The following ZNF429 variants were observed in gnomAD, a reference collection of about 807,000 sequenced individuals.
ZNF429 encodes the protein zinc finger protein 429.
Under a neutral mutation model 56.8 loss-of-function variants are expected in ZNF429, and 53 were observed. The ratio of observed to expected loss-of-function variants is 0.93; its 90% CI spans 0.75 to 1.17. The LOEUF (loss-of-function observed/expected upper bound fraction) is 1.17, where lower values mean the gene tolerates loss of function less well. Ranked by LOEUF, ZNF429 falls within the 50% of genes most tolerant of loss-of-function variation. The probability of loss-of-function intolerance (pLI) is 0.00; values close to 1 mark genes in which losing one functional copy is unlikely to be tolerated. For missense variants in ZNF429, 849 were observed against 788.4 expected, an observed-to-expected ratio of 1.08 and a Z score of -0.92; for synonymous variants, 278 against 264.7, an observed-to-expected ratio of 1.05 and a Z score of -0.49.
intron 3 of ZNF429, among the ~76,000 whole-genome samples, chr19:21,533,842 G>C: frequency 2.6e-5 from 4 of 151,968 alleles, no homozygotes; most frequent in Non-Finnish European, 5.9e-5. Context: ...TTTTAGTAGA[G>C]ATGGGGTTTC....
intron 3 of ZNF429, among the ~76,000 whole-genome samples, chr19:21,531,716 G>A: frequency 2.0e-5 from 3 of 151,694 alleles, no homozygotes; most frequent in African/African-American, 4.8e-5. Context: ...AAGGCAGGGA[G>A]AATTGCTTGA....
intron 3 of ZNF429, among the ~76,000 whole-genome samples, chr19:21,533,053 G>T: frequency 6.6e-6 from 1 of 151,678 alleles, no homozygotes; most frequent in East Asian, 1.9e-4. Flanking sequence ...TAAAGTAATG[G>T]CTGCATTCTT....
intron 1 of ZNF429, among the ~76,000 whole-genome samples, chr19:21,515,394 G>C (rs1266835463): frequency 1.3e-5 from 2 of 151,972 alleles, no homozygotes; most frequent in African/African-American, 4.8e-5. Flanking sequence ...ATCTTCTTTA[G>C]AATGGCATCT....
intron 1 of ZNF429, 66 bp downstream of exon 1, chr19:21,505,840 C>T: frequency 6.4e-7 from 1 of 1,574,122 alleles, no homozygotes; most frequent in Non-Finnish European, 8.7e-7. Flanking sequence ...GAGAAGTGGC[C>T]GTGGCGGACT....
chr19:21,535,417 T>TC lies in ZNF429; in HGVS notation c.227-863_227-862insC. ...TCTTTCTTTCTTTCTTTTTCTTTTC[T>TC]TTCTTTCTTTCTTTCTTTCTTTCTT... On this transcript the variant is annotated intron_variant, in intron 3 of 3. Coordinates refer to ENST00000358491, the MANE Select transcript of ZNF429 (RefSeq NM_001001415.4). Among the ~76,000 whole-genome samples the TC allele has an allele frequency of 4.3e-3, 230 of 53,166 alleles. 54 individuals are homozygous for TC. Among genetic ancestry groups the TC allele is most frequent in the African/African-American group, 0.018 (226 of 12,450 alleles). 34.9% of individuals were successfully genotyped at this position (53,166 alleles called of 152,430 possible).
At position 21,526,087 on chromosome 19, in the gene ZNF429, C is replaced by T. The variant is rs544027065; in HGVS notation, c.4-3571C>T. On this transcript the variant is annotated intron_variant, in intron 1 of 3. Transcript: ENST00000358491. Reference sequence around the variant, plus strand: ...TGCAGACTCATTCAGACATTGCTGCCTTCTGTTTGTTCTGTAAACTTTATT... The same window carrying T: ...TGCAGACTCATTCAGACATTGCTGCTTTCTGTTTGTTCTGTAAACTTTATT... Among the ~76,000 whole-genome samples the T allele has an allele frequency of 4.5e-5, 4 of 89,134 alleles. No homozygotes were observed. In the South Asian group the frequency reaches 1.4e-3, roughly 32 times the overall value. 58.5% of individuals were successfully genotyped at this position (89,134 alleles called of 152,430 possible).
At chr19:21,506,112 G>A (rs1314183467) in intron 1 of ZNF429, 2 of 176,780 alleles carry the variant, frequency 1.1e-5, no homozygotes, top group Non-Finnish European at 2.5e-5. Flanking sequence ...GCGGGTTCAT[G>A]AGCGGGAAGA....
rs1470519171 is a variant in ZNF429, at chr19:21,539,290, AACT to A, written c.*1214_*1216del. Among the ~76,000 whole-genome samples the A allele has an allele frequency of 1.3e-5, 2 of 152,232 alleles. No individual in the cohort carries two copies. Among genetic ancestry groups the A allele is most frequent in the African/African-American group, 4.8e-5 (2 of 41,462 alleles). ...GAATATCAGAATTTACAGTAGAAAC[AACT>A]AAGACACAAACACTTGAGACATTAC... On this transcript the variant is annotated 3_prime_UTR_variant, in exon 4 of 4. Coordinates refer to ENST00000358491, the MANE Select transcript of ZNF429 (RefSeq NM_001001415.4).
intron 1 of ZNF429, among the ~76,000 whole-genome samples, chr19:21,513,308 A>G (rs1448610606): frequency 6.6e-6 from 1 of 152,160 alleles, no homozygotes; most frequent in Non-Finnish European, 1.5e-5. Context: ...TTTGTCCTAT[A>G]CATTTCTTCC....
Position 21,535,480 on chromosome 19 carries a change from C to G in ZNF429, c.227-800C>G. 5.0e-4 allele frequency among the ~76,000 whole-genome samples: 28 copies of G among 56,004 alleles called. 2 individuals carry two copies. Among genetic ancestry groups the G allele is most frequent in the Non-Finnish European group, 8.3e-4 (23 of 27,870 alleles). 36.7% of individuals were successfully genotyped at this position (56,004 alleles called of 152,430 possible). A position where few individuals can be genotyped will look rare whatever the true frequency, so the allele number is the denominator to read the frequency against. On this transcript the variant is annotated intron_variant, in intron 3 of 3. Transcript: ENST00000358491. ...TCTTTCTTTCTTTCTTTCTTTCTTT[C>G]TTTCTTTCTTTCTTTCTTCTTTCTT...
intron 1 of ZNF429, among the ~76,000 whole-genome samples, chr19:21,514,539 G>A (rs2032648029): frequency 6.6e-6 from 1 of 151,580 alleles, no homozygotes; most frequent in Non-Finnish European, 1.5e-5. Flanking sequence ...TAACCACACA[G>A]CATTCCGTGA....
At chr19:21,507,478 T>C (rs1377270215) in intron 1 of ZNF429, 1 of 152,242 alleles carries the variant, frequency 6.6e-6, no homozygotes, top group Non-Finnish European at 1.5e-5. Flanking sequence ...TGACACTGTA[T>C]TGTAAAAAAA....
chr19:21,505,661 G>C lies in ZNF429; in HGVS notation c.-111G>C. The C allele has an allele frequency of 2.5e-6, 3 of 1,213,488 alleles. No individual in the cohort carries two copies. Among genetic ancestry groups the C allele is most frequent in the South Asian group, 1.4e-5 (1 of 70,122 alleles). 75.2% of individuals were successfully genotyped at this position (1,213,488 alleles called of 1,614,324 possible). ...TGCTGCAGCCAGAGCTCCAGGTCTC[G>C]TCTTCATTTCTGTGTCCTTTGTTCT... On this transcript the variant is annotated 5_prime_UTR_variant, in exon 1 of 4. Coordinates refer to ENST00000358491, the MANE Select transcript of ZNF429 (RefSeq NM_001001415.4).
chr19:21,529,855 C>G, intron 2 of ZNF429, 71 bp downstream of exon 2: 1 of 1,088,330 alleles, frequency 9.2e-7, no homozygotes, highest in Admixed American at 2.7e-5. Context: ...GTAGAATGTT[C>G]TTTGGTAATT....
intron 1 of ZNF429, among the ~76,000 whole-genome samples, chr19:21,522,393 T>A (rs2033014520): frequency 6.6e-6 from 1 of 152,238 alleles, no homozygotes; most frequent in South Asian, 2.1e-4. Context: ...GCAAATTGAC[T>A]GTGGTGCATG....
At chr19:21,531,935 T>C in intron 3 of ZNF429, among the ~76,000 whole-genome samples, 1 of 151,932 alleles carries the variant, frequency 6.6e-6, no homozygotes, top group Non-Finnish European at 1.5e-5. Flanking sequence ...TAAATGCCCT[T>C]AGTATATTAG....
chr19:21,520,746 G>A (rs905503841), intron 1 of ZNF429, among the ~76,000 whole-genome samples: 2 of 152,156 alleles, frequency 1.3e-5, no homozygotes, highest in African/African-American at 2.4e-5. Context: ...GCAGTCCAAA[G>A]TACTTACACA....
At chr19:21,532,678 A>T in intron 3 of ZNF429, among the ~76,000 whole-genome samples, 1 of 151,212 alleles carries the variant, frequency 6.6e-6, no homozygotes, top group African/African-American at 2.4e-5. Context: ...ATAAGACAGA[A>T]GATGCCTCTA....
In ZNF429 at chr19:21,538,331, C is replaced by G. The variant is rs1249584323; in HGVS notation, c.*253C>G. Among the ~76,000 whole-genome samples the G allele has an allele frequency of 7.2e-6, 1 of 139,788 alleles. No homozygotes were observed. Among genetic ancestry groups the G allele is most frequent in the Admixed American group, 7.4e-5 (1 of 13,604 alleles). 91.7% of individuals were successfully genotyped at this position (139,788 alleles called of 152,430 possible). On this transcript the variant is annotated 3_prime_UTR_variant, in exon 4 of 4. Coordinates refer to ENST00000358491, the MANE Select transcript of ZNF429 (RefSeq NM_001001415.4). ...AAAATTCATAGGCCAGGTATGGTGG[C>G]TCATGCCTGCCTGTAATCCCAGCAC...
Sources: allele counts gnomAD v4.1 joint callset (sites outside exome capture counted in the v4.1 genomes callset), GRCh38; gene constraint gnomAD v4.1.1; transcripts MANE v1.5; gene names NCBI Gene and HGNC (gene_info 2026-07-23, HGNC 2026-07-21).